The following TFDP2 variants were observed in gnomAD, a reference collection of about 807,000 sequenced individuals.
The protein encoded by TFDP2 is transcription factor Dp-2, also known as transcription factor Dp-2 (E2F dimerization partner 2).
A neutral mutation model predicts 59.3 loss-of-function variants in TFDP2; 17 were observed. The ratio of observed to expected loss-of-function variants is 0.29; its 90% confidence interval spans 0.20 to 0.43. The LOEUF (loss-of-function observed/expected upper bound fraction) is 0.43. TFDP2 is among the 20% of genes least tolerant of loss of function. TFDP2 has a pLI of 1.00. For synonymous variants in TFDP2, 180 were observed against 194.7 expected, an observed-to-expected ratio of 0.92 and a Z score of 0.63; for missense variants, 391 against 528.8, an observed-to-expected ratio of 0.74 and a Z score of 2.56.
At position 141,945,381 on chromosome 3, in the gene TFDP2, G is replaced by A. The variant is rs3762726; in HGVS notation, c.*7132C>T. 12,376 of 152,388 alleles carry A rather than the reference G, an allele frequency of 0.081. 614 individuals carry two copies. Among genetic ancestry groups the A allele is most frequent in the East Asian group, 0.16 (833 of 5,180 alleles). 9.4% of individuals were successfully genotyped at this position (152,388 alleles called of 1,614,324 possible). ...CGACCTCAGGTGATCCGCCCGCCTCGGCCTCCCAAAGTGCTGGGATCACAG... is the reference window on the plus strand; with the variant it reads ...CGACCTCAGGTGATCCGCCCGCCTCAGCCTCCCAAAGTGCTGGGATCACAG... On this transcript the variant is annotated 3_prime_UTR_variant, in exon 13 of 13. Transcript: ENST00000489671.
chr3:141,952,816 G>C, intron 12 of TFDP2, 95 bp downstream of exon 12: 1 of 1,540,716 alleles, frequency 6.5e-7, no homozygotes, highest in Non-Finnish European at 9.0e-7. Context: ...CTGCTCAGCA[G>C]GACCTGTGCT....
At chr3:141,987,938 C>CAAAAAAAAAAAAAAAAAAAAAA (rs373394427) in intron 6 of TFDP2, among the ~76,000 whole-genome samples, 1 of 129,552 alleles carries the variant, frequency 7.7e-6, no homozygotes, top group African/African-American at 3.2e-5. Context: ...GACCCTGCCT[C>CAAAAAAAAAAAAAAAAAAAAAA]AAAAAAAAAA....
chr3:141,980,946 T>C (rs922010133), intron 6 of TFDP2, among the ~76,000 whole-genome samples: 1 of 152,156 alleles, frequency 6.6e-6, no homozygotes, highest in African/African-American at 2.4e-5. Flanking sequence ...AACTTATTAT[T>C]GAAGAAGAAA....
intron 3 of TFDP2, among the ~76,000 whole-genome samples, chr3:142,077,622 G>C (rs2060504672): frequency 6.6e-6 from 1 of 152,124 alleles, no homozygotes; most frequent in South Asian, 2.1e-4. Flanking sequence ...AGTCCTGGCA[G>C]GATTCCTCAC....
At chr3:142,142,328 GA>G (rs1006332016) in intron 1 of TFDP2, among the ~76,000 whole-genome samples, 28 of 152,156 alleles carry the variant, frequency 1.8e-4, no homozygotes, top group African/African-American at 6.0e-4. Flanking sequence ...ATGTGAAAAA[GA>G]AATTTTAAAA....
chr3:142,013,379 T>C (rs1944872080), intron 3 of TFDP2, among the ~76,000 whole-genome samples: 1 of 152,190 alleles, frequency 6.6e-6, no homozygotes, highest in Admixed American at 6.5e-5. Flanking sequence ...GCTATGTTTT[T>C]GACTCAAAAG....
intron 1 of TFDP2, among the ~76,000 whole-genome samples, chr3:142,139,192 GCTT>G (rs2062845016): frequency 6.6e-6 from 1 of 152,042 alleles, no homozygotes; most frequent in African/African-American, 2.4e-5. Flanking sequence ...TGCAACCCCT[GCTT>G]TTTTTTGCTT....
intron 1 of TFDP2, among the ~76,000 whole-genome samples, chr3:142,103,945 T>C (rs982357471): frequency 2.6e-5 from 4 of 152,094 alleles, no homozygotes; most frequent in Non-Finnish European, 5.9e-5. Flanking sequence ...TAGGTATACA[T>C]AGGTATACGT....
At chr3:142,006,881 G>A (rs1250657841) in intron 3 of TFDP2, among the ~76,000 whole-genome samples, 1 of 151,986 alleles carries the variant, frequency 6.6e-6, no homozygotes, top group Non-Finnish European at 1.5e-5. Context: ...GGTTCAAGTG[G>A]TTCTCTCGTC....
At chr3:142,115,205 C>T (rs1383844235) in intron 1 of TFDP2, among the ~76,000 whole-genome samples, 1 of 151,980 alleles carries the variant, frequency 6.6e-6, no homozygotes, top group East Asian at 1.9e-4. Context: ...ATTAAAAAGT[C>T]CATACAGATA....
At chr3:142,120,319 G>A (rs1318476409) in intron 1 of TFDP2, among the ~76,000 whole-genome samples, 1 of 147,778 alleles carries the variant, frequency 6.8e-6, no homozygotes, top group Non-Finnish European at 1.5e-5. Flanking sequence ...CCAAGATCGC[G>A]CCACTGCACT....
At chr3:142,071,166 T>A (rs1576902058) in intron 3 of TFDP2, among the ~76,000 whole-genome samples, 1 of 152,086 alleles carries the variant, frequency 6.6e-6, no homozygotes, top group South Asian at 2.1e-4. Flanking sequence ...AAGGAGTTTT[T>A]TTTTTTTTGA....
chr3:141,953,383 C>T (rs748695259), intron 11 of TFDP2, among the ~76,000 whole-genome samples: 41 of 152,106 alleles, frequency 2.7e-4, no homozygotes, highest in Non-Finnish European at 4.9e-4. Flanking sequence ...AAGACCTGGA[C>T]TGTGGTGTTG....
At chr3:142,075,687 G>C (rs2060420250) in intron 3 of TFDP2, among the ~76,000 whole-genome samples, 1 of 146,196 alleles carries the variant, frequency 6.8e-6, no homozygotes, top group Admixed American at 7.0e-5. Context: ...CTTGAGACCA[G>C]GAGTTCAAGA....
intron 3 of TFDP2, among the ~76,000 whole-genome samples, chr3:142,051,828 T>A (rs1204987135): frequency 6.6e-6 from 1 of 151,956 alleles, no homozygotes; most frequent in Admixed American, 6.6e-5. Context: ...AAAAATTAAC[T>A]CAAAATTTAT....
intron 8 of TFDP2, 107 bp downstream of exon 8, chr3:141,973,941 A>G: frequency 7.8e-7 from 1 of 1,279,762 alleles, no homozygotes; most frequent in South Asian, 1.5e-5. Flanking sequence ...GACATGGTAT[A>G]CATGAAAAAT....
At chr3:142,080,579 C>G (rs2060605106) in intron 3 of TFDP2, among the ~76,000 whole-genome samples, 1 of 152,106 alleles carries the variant, frequency 6.6e-6, no homozygotes. Context: ...AAACAAGATC[C>G]AATGACTTGT....
At chr3:141,968,402 T>TAATATATATATCATATATAA (rs1183792005) in intron 9 of TFDP2, among the ~76,000 whole-genome samples, 1 of 110,132 alleles carries the variant, frequency 9.1e-6, no homozygotes, top group Non-Finnish European at 1.8e-5. Context: ...AACATATATA[T>TAATATATATATCATATATAA]CATATATATA....
chr3:142,097,461 C>G (rs1294944337), intron 2 of TFDP2, among the ~76,000 whole-genome samples: 2 of 152,102 alleles, frequency 1.3e-5, no homozygotes, highest in African/African-American at 4.8e-5. Flanking sequence ...GAGGCTAAGG[C>G]AGGAAGATTG....
Sources: gnomAD v4.1 joint callset for allele counts (sites outside exome capture counted in the v4.1 genomes callset) on GRCh38, gnomAD v4.1.1 for gene constraint, MANE v1.5 for transcripts, NCBI Gene and HGNC (gene_info 2026-07-23, HGNC 2026-07-21) for gene names.